PCDHGA1: variants seen among roughly 807,000 people sequenced by gnomAD.
The protein encoded by PCDHGA1 is protocadherin gamma subfamily A, 1, also known as protocadherin gamma-A1.
PCDHGA1 carries 32 observed loss-of-function variants against 58.0 expected under a neutral mutation model. The observed-to-expected ratio is 0.55, with a 90% confidence interval of 0.42 to 0.74. PCDHGA1 has a LOEUF of 0.74. Among genes scored for constraint, PCDHGA1 ranks in the 30% least tolerant of loss-of-function variants. The probability of loss-of-function intolerance (pLI) is 0.00; values close to 1 mark genes in which losing one functional copy is unlikely to be tolerated. For missense variants in PCDHGA1, 1,205 were observed against 1,182.3 expected (o/e 1.02, Z -0.28); for synonymous variants, 498 against 501.1 (o/e 0.99, Z 0.08).
intron 1 of PCDHGA1, among the ~76,000 whole-genome samples, chr5:141,466,748 G>A (rs562859284): frequency 6.6e-6 from 1 of 152,238 alleles, no homozygotes; most frequent in South Asian, 2.1e-4. Context: ...TACTCTGATA[G>A]GGGCTCTTTT....
Position 141,358,404 on chromosome 5 carries a change from C to G in PCDHGA1, c.2421+25299C>G, listed in dbSNP as rs1760908931. Among the ~76,000 whole-genome samples, 4 of 152,218 alleles carry G rather than the reference C, an allele frequency of 2.6e-5. No individual in the cohort carries two copies. The South Asian group carries it at 8.3e-4, about 32-fold the overall frequency. ...CATGCTTTGCTTGAAGTTTACTTTTCCTTCCTTGAAAGGGTATTTTCCATT... is the reference window on the plus strand; with the variant it reads ...CATGCTTTGCTTGAAGTTTACTTTTGCTTCCTTGAAAGGGTATTTTCCATT... On this transcript the variant is annotated intron_variant, in intron 1 of 3. Transcript: ENST00000517417.
At chr5:141,348,386 T>C (rs1399095573) in intron 1 of PCDHGA1, among the ~76,000 whole-genome samples, 1 of 152,026 alleles carries the variant, frequency 6.6e-6, no homozygotes, top group Non-Finnish European at 1.5e-5. Context: ...TTGGGCAACA[T>C]AGCATGACCC....
At chr5:141,483,333 C>G (rs566443186) in intron 1 of PCDHGA1, among the ~76,000 whole-genome samples, 1 of 152,096 alleles carries the variant, frequency 6.6e-6, no homozygotes, top group East Asian at 1.9e-4. Context: ...GCAAAGAGAT[C>G]TTATCTCTTT....
chr5:141,331,047 A>G lies in PCDHGA1; in HGVS notation c.363A>G (p.Val121=). The G allele has an allele frequency of 6.2e-7, 1 of 1,614,238 alleles. No individual in the cohort carries two copies. The highest frequency in any genetic ancestry group is 8.5e-7 in the Non-Finnish European group (1 of 1,180,050). ...AAATGAAGCTTTTTCCTGTTGAAGT[A>G]GAAATAATTGATATTAATGACAACA... The part of the protein sequence containing the change: ...EDKMKLFPVE[V]EIIDINDNTP... The change falls in exon 1 of 4, where the codon GTA becomes GTG. Residue 121 remains valine, a synonymous_variant. Coordinates refer to ENST00000517417, the MANE Select transcript of PCDHGA1 (RefSeq NM_018912.3).
At chr5:141,440,605 C>G (rs1214459401) in intron 1 of PCDHGA1, 1 of 152,228 alleles carries the variant, frequency 6.6e-6, no homozygotes, top group East Asian at 1.9e-4. Context: ...TGCAACAGAA[C>G]CTGCAGAAGA....
intron 1 of PCDHGA1, chr5:141,422,139 A>G (rs2096627272): frequency 6.3e-7 from 1 of 1,588,154 alleles, no homozygotes. Context: ...AAGTTCAAGT[A>G]CGGGGGTCTC....
chr5:141,350,183 A>C (rs997161714), intron 1 of PCDHGA1: 3 of 1,343,602 alleles, frequency 2.2e-6, no homozygotes, highest in Non-Finnish European at 3.0e-6. Context: ...CTAAGCTCAA[A>C]TCACAGAAGT....
rs774271747 is a variant in PCDHGA1 at position 141,485,866 on chromosome 5, C to A, written c.2422-8941C>A. On this transcript the variant is annotated intron_variant, in intron 1 of 3. Coordinates refer to ENST00000517417, the MANE Select transcript of PCDHGA1 (RefSeq NM_018912.3). The surrounding 1 kb of genome is among the most constrained non-coding windows in gnomAD (Gnocchi z 5.7). Reference sequence around the variant, plus strand: ...CTGGCACCGCAGAGCTCCGGGTATCCGTGCTGGACGTAAACGACAACGCCC... The same window carrying A: ...CTGGCACCGCAGAGCTCCGGGTATCAGTGCTGGACGTAAACGACAACGCCC... 2 of 1,614,144 alleles carry A rather than the reference C, an allele frequency of 1.2e-6. No homozygotes were observed. Among genetic ancestry groups the A allele is most frequent in the South Asian group, 1.1e-5 (1 of 91,074 alleles).
At chr5:141,403,219 G>A in intron 1 of PCDHGA1, 1 of 1,613,980 alleles carries the variant, frequency 6.2e-7, no homozygotes, top group South Asian at 1.1e-5. Flanking sequence ...CCGCGGGTAG[G>A]ATAGACCGGG....
chr5:141,414,958 G>T, intron 1 of PCDHGA1: 2 of 1,614,024 alleles, frequency 1.2e-6, no homozygotes, highest in East Asian at 2.2e-5. Context: ...GGTGACCAAG[G>T]TGGTGGCGGT....
chr5:141,365,693 G>A, intron 1 of PCDHGA1: 1 of 1,613,364 alleles, frequency 6.2e-7, no homozygotes, highest in South Asian at 1.1e-5. Flanking sequence ...TTTCCCTCAA[G>A]CCTCCTACTC....
At position 141,374,771 on chromosome 5, in the gene PCDHGA1, G is replaced by A. The variant is rs1770825611; in HGVS notation, c.2421+41666G>A. 1 of 1,613,744 alleles carries A rather than the reference G, an allele frequency of 6.2e-7. No individual in the cohort carries two copies. The highest frequency in any genetic ancestry group is 8.5e-7 in the Non-Finnish European group (1 of 1,179,778). On this transcript the variant is annotated intron_variant, in intron 1 of 3. Transcript: ENST00000517417. ...CCGCTCAAGCGTCGCCCAAATTCTG[G>A]TAACAGTTCTAGATGTGAATGACAA...
At chr5:141,408,214 C>CT (rs1471079476) in intron 1 of PCDHGA1, 1 of 1,555,074 alleles carries the variant, frequency 6.4e-7, no homozygotes. Flanking sequence ...TGGGAGGGAG[C>CT]TGCGCGCAGA....
In PCDHGA1 at chr5:141,477,813, A is replaced by T; in HGVS notation, c.2422-16994A>T. ...ACTGATCGCAATGACAATGCCCCCC[A>T]GGTCCTATATCCTCGGCCAGGTGGG... On this transcript the variant is annotated intron_variant, in intron 1 of 3. Coordinates refer to ENST00000517417, the MANE Select transcript of PCDHGA1 (RefSeq NM_018912.3). The surrounding 1 kb of genome is among the most constrained non-coding windows in gnomAD (Gnocchi z 4.9). The T allele has an allele frequency of 6.2e-7, 1 of 1,614,122 alleles. No homozygotes were observed. The highest frequency in any genetic ancestry group is 1.1e-5 in the South Asian group (1 of 91,084).
At chr5:141,507,807 A>AACGG (rs1465406594) in intron 3 of PCDHGA1, among the ~76,000 whole-genome samples, 2 of 152,152 alleles carry the variant, frequency 1.3e-5, no homozygotes, top group East Asian at 3.9e-4. Flanking sequence ...CGCCCTGGGG[A>AACGG]ACGGACCCTG....
intron 1 of PCDHGA1, among the ~76,000 whole-genome samples, chr5:141,460,050 C>T (rs1477206197): frequency 6.6e-6 from 1 of 152,064 alleles, no homozygotes; most frequent in Non-Finnish European, 1.5e-5. Context: ...TGCACTCCAG[C>T]CTGGGCAACA....
intron 1 of PCDHGA1, among the ~76,000 whole-genome samples, chr5:141,380,906 G>A (rs528730354): frequency 1.3e-3 from 196 of 152,328 alleles, no homozygotes; most frequent in Non-Finnish European, 2.0e-3. Flanking sequence ...ATCTACAAGT[G>A]CTTACATTGT....
At position 141,375,795 on chromosome 5, in the gene PCDHGA1, G is replaced by T. The variant is rs765881835; in HGVS notation, c.2421+42690G>T. Reference sequence around the variant, plus strand: ...CTGTACCCCGCCCTCCCCACAGACGGTTCCACTGGCGTGGAGCTGGCGCCC... The same window carrying T: ...CTGTACCCCGCCCTCCCCACAGACGTTTCCACTGGCGTGGAGCTGGCGCCC... On this transcript the variant is annotated intron_variant, in intron 1 of 3. Coordinates refer to ENST00000517417, the MANE Select transcript of PCDHGA1 (RefSeq NM_018912.3). 4 of 1,614,218 alleles carry T rather than the reference G, an allele frequency of 2.5e-6. No individual in the cohort carries two copies. The South Asian group carries it at 3.3e-5, about 13-fold the overall frequency.
chr5:141,394,204 A>G (rs749979763), intron 1 of PCDHGA1: 4 of 1,613,914 alleles, frequency 2.5e-6, no homozygotes, highest in Non-Finnish European at 3.4e-6. Context: ...ATCCTAGAGA[A>G]CAACCTGAGA....
Sources: allele counts gnomAD v4.1 joint callset (sites outside exome capture counted in the v4.1 genomes callset), GRCh38; gene constraint gnomAD v4.1.1; non-coding constraint Gnocchi (gnomAD v3.1); transcripts MANE v1.5; gene names NCBI Gene and HGNC (gene_info 2026-07-23, HGNC 2026-07-21).